The following PTPRG variants were observed in gnomAD, a reference collection of about 807,000 sequenced individuals.
PTPRG encodes the protein protein tyrosine phosphatase receptor type G, also known as receptor-type tyrosine-protein phosphatase gamma.
A neutral mutation model predicts 165.3 loss-of-function variants in PTPRG; 102 were observed. The ratio of observed to expected loss-of-function variants is 0.62; its 90% CI spans 0.53 to 0.73. The LOEUF is 0.73. Ranked by LOEUF, PTPRG falls within the 30% of genes least tolerant of loss-of-function variation. PTPRG has a pLI of 0.00. For synonymous variants in PTPRG, 675 were observed against 669.5 expected (o/e 1.01, Z -0.13); for missense variants, 1,866 against 1,861.4 (o/e 1.00, Z -0.05).
intron 2 of PTPRG, among the ~76,000 whole-genome samples, chr3:61,978,505 T>A (rs1479778409): frequency 8.6e-6 from 1 of 116,606 alleles, no homozygotes; most frequent in Non-Finnish European, 1.8e-5. Flanking sequence ...AAAATAAGTT[T>A]GTAATAAAAT....
At chr3:61,563,165 TTTCGGCGGCCG>T (rs1559504316) in intron 1 of PTPRG, among the ~76,000 whole-genome samples, 2 of 149,588 alleles carry the variant, frequency 1.3e-5, no homozygotes, top group East Asian at 2.0e-4. Context: ...GCCGGGGCGG[TTTCGGCGGCCG>T]GGTTGCTGTT....
intron 2 of PTPRG, among the ~76,000 whole-genome samples, chr3:61,928,637 T>C (rs539587900): frequency 1.4e-4 from 22 of 152,342 alleles, no homozygotes; most frequent in African/African-American, 4.6e-4. Context: ...TATAGTGTGA[T>C]ACTATGCTTT....
At chr3:62,046,409 AT>A (rs1700294685) in intron 4 of PTPRG, among the ~76,000 whole-genome samples, 1 of 152,132 alleles carries the variant, frequency 6.6e-6, no homozygotes, top group African/African-American at 2.4e-5. Flanking sequence ...AGAGAGGTCA[AT>A]AGCAGTATAT....
intron 2 of PTPRG, among the ~76,000 whole-genome samples, chr3:61,752,802 G>GAAAAGAAAAAAAAAAAAAAAGAAAA (rs1553660820): frequency 9.6e-6 from 1 of 103,712 alleles, no homozygotes; most frequent in South Asian, 3.4e-4. Context: ...AAAAAAAAAA[G>GAAAAGAAAAAAAAAAAAAAAGAAAA]AAAAAAAAAA....
intron 14 of PTPRG, among the ~76,000 whole-genome samples, chr3:62,235,236 T>G (rs1056748765): frequency 2.0e-5 from 3 of 152,186 alleles, no homozygotes; most frequent in Non-Finnish European, 2.9e-5. Flanking sequence ...ATTGTGTCAG[T>G]GCCTTAAAAC....
intron 1 of PTPRG, among the ~76,000 whole-genome samples, chr3:61,606,643 AGCCCAGGATCAAG>A (rs1393982006): frequency 6.6e-6 from 1 of 152,246 alleles, no homozygotes; most frequent in Non-Finnish European, 1.5e-5. Flanking sequence ...GAGGCTGGGA[AGCCCAGGATCAAG>A]GCACTGGAGG....
At chr3:61,562,720 C>T (rs970603516) in intron 1 of PTPRG, among the ~76,000 whole-genome samples, 3 of 150,760 alleles carry the variant, frequency 2.0e-5, no homozygotes, top group African/African-American at 4.9e-5. Context: ...AGTTGTGGGG[C>T]GGTTGGGGAG....
chr3:61,644,689 G>A (rs1702156044), intron 1 of PTPRG, among the ~76,000 whole-genome samples: 1 of 152,154 alleles, frequency 6.6e-6, no homozygotes, highest in South Asian at 2.1e-4. Flanking sequence ...ACCAGGTTAG[G>A]ATACTAGGAA....
At chr3:62,180,726 CAA>C (rs1329550401) in intron 8 of PTPRG, among the ~76,000 whole-genome samples, 1 of 152,152 alleles carries the variant, frequency 6.6e-6, no homozygotes, top group Non-Finnish European at 1.5e-5. Flanking sequence ...CTGAGCTGAA[CAA>C]TGCTCTTTCC....
chr3:62,046,964 G>A (rs1307914236), intron 4 of PTPRG, among the ~76,000 whole-genome samples: 1 of 152,136 alleles, frequency 6.6e-6, no homozygotes, highest in Non-Finnish European at 1.5e-5. Flanking sequence ...TGCTAAGCAG[G>A]TAATATTACC....
At chr3:61,748,817 A>T in intron 1 of PTPRG, 61 bp from the exon 2 acceptor site, 1 of 1,384,238 alleles carries the variant, frequency 7.2e-7, no homozygotes, top group Non-Finnish European at 1.0e-6. Context: ...TTCATTTGAC[A>T]CCCTTCCTGT....
chr3:61,625,917 A>C (rs1403194515), intron 1 of PTPRG, among the ~76,000 whole-genome samples: 3 of 152,098 alleles, frequency 2.0e-5, no homozygotes, highest in Non-Finnish European at 4.4e-5. Context: ...TTTTCTATGC[A>C]AATATTTCAA....
intron 5 of PTPRG, among the ~76,000 whole-genome samples, chr3:62,097,228 CT>C (rs2106815232): frequency 6.6e-6 from 1 of 152,288 alleles, no homozygotes; most frequent in South Asian, 2.1e-4. Context: ...AAAGGACGCC[CT>C]TTTCAGTTCC....
chr3:62,159,861 C>A (rs1046772772), intron 7 of PTPRG, among the ~76,000 whole-genome samples: 3 of 152,200 alleles, frequency 2.0e-5, no homozygotes, highest in African/African-American at 7.2e-5. Context: ...AAACTGGATC[C>A]TTGCTGGCTG....
intron 1 of PTPRG, among the ~76,000 whole-genome samples, chr3:61,710,358 C>T (rs4688658): frequency 0.11 from 17,330 of 152,148 alleles, 1,275 homozygotes; most frequent in East Asian, 0.17. Context: ...GTGCTAGACC[C>T]CTTTCCATGT....
At chr3:61,924,433 C>G (rs987256018) in intron 2 of PTPRG, among the ~76,000 whole-genome samples, 3 of 152,168 alleles carry the variant, frequency 2.0e-5, no homozygotes, top group Non-Finnish European at 4.4e-5. Flanking sequence ...TTAGCACATT[C>G]TAAATAAATG....
chr3:61,568,925 T>C (rs971689545), intron 1 of PTPRG, among the ~76,000 whole-genome samples: 1 of 149,890 alleles, frequency 6.7e-6, no homozygotes, highest in African/African-American at 2.5e-5. Flanking sequence ...AAAAAAAAGA[T>C]TCGTTTTAAG....
At chr3:61,902,922 G>A (rs2038535390) in intron 2 of PTPRG, among the ~76,000 whole-genome samples, 1 of 152,154 alleles carries the variant, frequency 6.6e-6, no homozygotes, top group African/African-American at 2.4e-5. Context: ...GTAACTAGGA[G>A]AGTCGCCCCT....
intron 1 of PTPRG, among the ~76,000 whole-genome samples, chr3:61,623,963 A>G (rs953516256): frequency 1.3e-5 from 2 of 152,168 alleles, no homozygotes; most frequent in Admixed American, 1.3e-4. Flanking sequence ...GGCATATCCA[A>G]AGTTCTGTTA....
Sources: gnomAD v4.1 joint callset for allele counts (sites outside exome capture counted in the v4.1 genomes callset) on GRCh38, gnomAD v4.1.1 for gene constraint, MANE v1.5 for transcripts, NCBI Gene and HGNC (gene_info 2026-07-23, HGNC 2026-07-21) for gene names.